Variants in MTAP observed in about 807,000 individuals in gnomAD.
MTAP encodes methylthioadenosine phosphorylase.
In MTAP, 33 loss-of-function variants were observed where a neutral mutation model predicts 33.6. The ratio of observed to expected loss-of-function variants is 0.98; its 90% CI spans 0.74 to 1.31. MTAP has a LOEUF of 1.31. MTAP is among the 40% of genes most tolerant of loss of function. MTAP has a pLI of 0.00. For synonymous variants in MTAP, 148 were observed against 125.7 expected (o/e 1.18, Z -1.19); for missense variants, 367 against 360.0 (o/e 1.02, Z -0.16).
chr9:21,859,036 A>T (rs542781056), intron 6 of MTAP: 1 of 265,190 alleles, frequency 3.8e-6, no homozygotes, highest in African/African-American at 2.2e-5. Context: ...CTGGAACCTC[A>T]CACGGTGGAA....
chr9:21,866,543 G>C lies in MTAP; in HGVS notation c.*4529G>C, dbSNP rs1825856349. The C allele has an allele frequency of 6.6e-6, 1 of 151,866 alleles. No individual in the cohort carries two copies. The highest frequency in any genetic ancestry group is 1.5e-5 in the Non-Finnish European group (1 of 67,952). The allele number at this position is 151,866 out of a possible 1,614,324, so 9.4% of individuals were successfully genotyped here. A position where few individuals can be genotyped will look rare whatever the true frequency, so the allele number is the denominator to read the frequency against. On this transcript the variant is annotated 3_prime_UTR_variant, in exon 8 of 8. Coordinates refer to ENST00000644715, the MANE Select transcript of MTAP (RefSeq NM_002451.4). ...CTCATTTAATTACCTGTGTGCCCTTGTCAAAATTTACTGTTTATCTGTGAA... is the reference window on the plus strand; with the variant it reads ...CTCATTTAATTACCTGTGTGCCCTTCTCAAAATTTACTGTTTATCTGTGAA...
intron 4 of MTAP, among the ~76,000 whole-genome samples, chr9:21,837,583 T>C (rs1260710440): frequency 1.3e-5 from 2 of 152,230 alleles, no homozygotes; most frequent in Non-Finnish European, 2.9e-5. Context: ...CATTTTTGTA[T>C]TGACTTCTTA....
chr9:21,818,138 T>G lies in MTAP; in HGVS notation c.283T>G (p.Cys95Gly). 6.2e-7 allele frequency: 1 copy of G among 1,613,936 alleles called. No individual in the cohort carries two copies. The highest frequency in any genetic ancestry group is 1.6e-4 in the Middle Eastern group (1 of 6,062). ...TACACATGTCATAGTGACCACAGCTTGTGGCTCCTTGAGGGAGGAGATTCA... is the reference window on the plus strand; with the variant it reads ...TACACATGTCATAGTGACCACAGCTGGTGGCTCCTTGAGGGAGGAGATTCA... ...GCTHVIVTTA[C>G]GSLREEIQPG... Residue 95 changes from cysteine to glycine, a missense_variant, in exon 4 of 8, where the codon TGT becomes GGT. Transcript: ENST00000644715.
At chr9:21,895,417 G>A (rs1818274089) in intron 1 of MTAP, among the ~76,000 whole-genome samples, 2 of 152,224 alleles carry the variant, frequency 1.3e-5, no homozygotes, top group African/African-American at 2.4e-5. Flanking sequence ...GAGCAATGCA[G>A]AAGACCAGTG....
At chr9:21,896,093 C>T (rs971996937) in intron 1 of MTAP, among the ~76,000 whole-genome samples, 13 of 152,300 alleles carry the variant, frequency 8.5e-5, no homozygotes, top group Middle Eastern at 3.4e-3. Flanking sequence ...AACTAGAACT[C>T]AGGATTAAGA....
chr9:21,875,743 A>T (rs555540237), intron 1 of MTAP, among the ~76,000 whole-genome samples: 1 of 152,218 alleles, frequency 6.6e-6, no homozygotes, highest in South Asian at 2.1e-4. Context: ...CAGTGGCTGC[A>T]TAGTATTCCA....
chr9:21,867,342 T>C (rs1473505973), downstream of MTAP, among the ~76,000 whole-genome samples: 1 of 152,184 alleles, frequency 6.6e-6, no homozygotes, highest in Admixed American at 6.5e-5. Context: ...TTTATCAGAT[T>C]GAAGATCCCT....
At chr9:21,883,774 G>C (rs1022567301) in intron 1 of MTAP, among the ~76,000 whole-genome samples, 1 of 151,712 alleles carries the variant, frequency 6.6e-6, no homozygotes, top group Non-Finnish European at 1.5e-5. Context: ...TGTACAGGTA[G>C]GGAAGCAGGC....
chr9:21,854,732 C>T lies in MTAP; in HGVS notation c.552C>T (p.Phe184=), dbSNP rs141520336. Residue 184 remains phenylalanine (F), a synonymous_variant, in exon 6 of 8, where the codon TTC becomes TTT. Coordinates refer to ENST00000644715, the MANE Select transcript of MTAP (RefSeq NM_002451.4). ...GPRFSSRAES[F]MFRTWGADVI... Reference sequence around the variant, plus strand: ...GTTTTAGCTCCCGGGCAGAAAGCTTCATGTTCCGCACCTGGGGGGCGGATG... The same window carrying T: ...GTTTTAGCTCCCGGGCAGAAAGCTTTATGTTCCGCACCTGGGGGGCGGATG... The T allele has an allele frequency of 6.2e-7, 1 of 1,614,054 alleles. No individual in the cohort carries two copies. The highest frequency in any genetic ancestry group is 1.3e-5 in the African/African-American group (1 of 74,928).
At chr9:21,825,908 T>C (rs1309731748) in intron 4 of MTAP, among the ~76,000 whole-genome samples, 2 of 152,196 alleles carry the variant, frequency 1.3e-5, no homozygotes, top group East Asian at 3.8e-4. Flanking sequence ...TTGAGCATTT[T>C]TCATACAGCT....
At chr9:21,932,436 C>T (rs535588970), downstream of MTAP, 1 of 152,344 alleles carries the variant, frequency 6.6e-6, no homozygotes, top group South Asian at 2.1e-4. Context: ...TGTGCAACTT[C>T]TTCAATTACT....
chr9:21,805,288 T>C (rs766507225), intron 1 of MTAP, among the ~76,000 whole-genome samples: 4 of 152,248 alleles, frequency 2.6e-5, no homozygotes, highest in Non-Finnish European at 5.9e-5. Context: ...GAGTTTTGGA[T>C]TGGCAGTATA....
At chr9:21,848,093 C>T (rs1825424945) in intron 5 of MTAP, among the ~76,000 whole-genome samples, 2 of 152,254 alleles carry the variant, frequency 1.3e-5, no homozygotes, top group Admixed American at 1.3e-4. Flanking sequence ...GCCTTTTCAC[C>T]TTTGTCTGAG....
At chr9:21,856,120 T>A in intron 6 of MTAP, 7 of 982,752 alleles carry the variant, frequency 7.1e-6, no homozygotes, top group Non-Finnish European at 8.5e-6. Flanking sequence ...AACTAGATCG[T>A]TCGTCCTGTC....
intron 5 of MTAP, among the ~76,000 whole-genome samples, chr9:21,841,370 G>A (rs193053262): frequency 1.5e-3 from 227 of 152,316 alleles, no homozygotes; most frequent in African/African-American, 4.5e-3. Flanking sequence ...ATCCCAGGAC[G>A]GAAAAGACAA....
intron 5 of MTAP, among the ~76,000 whole-genome samples, chr9:21,842,765 A>G (rs921237774): frequency 6.6e-6 from 1 of 152,232 alleles, no homozygotes; most frequent in Non-Finnish European, 1.5e-5. Flanking sequence ...GGAGTTCTAA[A>G]TCTTGAAACA....
chr9:21,865,698 G>A lies in MTAP; in HGVS notation c.*3684G>A. 1 of 1,025,470 alleles carries A rather than the reference G, an allele frequency of 9.8e-7. No homozygotes were observed. The highest frequency in any genetic ancestry group is 1.2e-6 in the Non-Finnish European group (1 of 850,546). The allele number at this position is 1,025,470 out of a possible 1,614,324, so 63.5% of individuals were successfully genotyped here. A position where few individuals can be genotyped will look rare whatever the true frequency, so the allele number is the denominator to read the frequency against. ...CTAGTAGGGTAGTCCAGAAGAAGCT[G>A]TTTCAGGGCCTGTTGCCAGCTATGC... On this transcript the variant is annotated 3_prime_UTR_variant, in exon 8 of 8. Transcript: ENST00000644715.
downstream of MTAP, chr9:21,935,592 T>C (rs1301472243): frequency 6.6e-6 from 1 of 152,178 alleles, no homozygotes; most frequent in Non-Finnish European, 1.5e-5. Context: ...CTCATGTCTC[T>C]CTGGGCCTGA....
chr9:21,804,414 T>C (rs1320578025), intron 1 of MTAP, among the ~76,000 whole-genome samples: 1 of 152,198 alleles, frequency 6.6e-6, no homozygotes, highest in Non-Finnish European at 1.5e-5. Context: ...ATTAATGCAG[T>C]GCATTTAAGT....
Sources: gnomAD v4.1 joint callset for allele counts (sites outside exome capture counted in the v4.1 genomes callset) on GRCh38, gnomAD v4.1.1 for gene constraint, MANE v1.5 for transcripts, NCBI Gene and HGNC (gene_info 2026-07-23, HGNC 2026-07-21) for gene names.